Variants in FAM168A observed in about 807,000 individuals in gnomAD.
The protein encoded by FAM168A is family with sequence similarity 168 member A.
In FAM168A, 3 loss-of-function variants were observed where a neutral mutation model predicts 28.5. The ratio of observed to expected loss-of-function variants is 0.11; its 90% CI spans 0.05 to 0.27. The LOEUF is 0.27. Among genes scored for constraint, FAM168A ranks in the 10% least tolerant of loss-of-function variants. The pLI is 1.00. For synonymous variants in FAM168A, 122 were observed against 124.2 expected, an observed-to-expected ratio of 0.98 and a Z score of 0.12; for missense variants, 222 against 311.5, an observed-to-expected ratio of 0.71 and a Z score of 2.16.
chr11:73,556,298 A>G (rs1259247699), intron 1 of FAM168A, among the ~76,000 whole-genome samples: 1 of 152,010 alleles, frequency 6.6e-6, no homozygotes, highest in East Asian at 1.9e-4. Context: ...GCAATAAGCT[A>G]TGATCGTGCC....
chr11:73,429,361 G>GA (rs1487943924), intron 3 of FAM168A, among the ~76,000 whole-genome samples: 1 of 152,190 alleles, frequency 6.6e-6, no homozygotes, highest in Non-Finnish European at 1.5e-5. Context: ...CAAGAGAAAA[G>GA]GTTGAACTGG....
chr11:73,462,867 AAAGAG>A lies in FAM168A; in HGVS notation c.70+5533_70+5537del, dbSNP rs1407116946. ...TAGAGAGAGACTCCAAGTCAGAAGA[AAAGAG>A]AAGAGAAGAGAGGAGAGGAGAAGAG... On this transcript the variant is annotated intron_variant, in intron 2 of 7. Transcript: ENST00000356467. Among the ~76,000 whole-genome samples the A allele has an allele frequency of 5.3e-5, 8 of 151,750 alleles. No homozygotes were observed. The South Asian group carries it at 6.3e-4, about 12-fold the overall frequency.
intron 1 of FAM168A, among the ~76,000 whole-genome samples, chr11:73,469,834 C>T (rs533500570): frequency 5.3e-5 from 8 of 152,272 alleles, no homozygotes; most frequent in Non-Finnish European, 8.8e-5. Flanking sequence ...GTAACATACA[C>T]TCTCTCTCTA....
chr11:73,563,885 A>T (rs1391242737), intron 1 of FAM168A, among the ~76,000 whole-genome samples: 1 of 152,188 alleles, frequency 6.6e-6, no homozygotes, highest in African/African-American at 2.4e-5. Flanking sequence ...TTTAAGCAAA[A>T]AGCCTAATTA....
intron 1 of FAM168A, among the ~76,000 whole-genome samples, chr11:73,541,051 G>A (rs1282019503): frequency 2.6e-5 from 4 of 151,880 alleles, no homozygotes; most frequent in Non-Finnish European, 4.4e-5. Context: ...CTAAAAATAC[G>A]AAAATTAGCT....
chr11:73,486,844 A>G (rs1868059614), intron 1 of FAM168A, among the ~76,000 whole-genome samples: 1 of 152,224 alleles, frequency 6.6e-6, no homozygotes, highest in African/African-American at 2.4e-5. Flanking sequence ...AGCATAAGCT[A>G]CTCATCTGTT....
chr11:73,512,374 T>A (rs958330696), intron 1 of FAM168A, among the ~76,000 whole-genome samples: 1 of 152,000 alleles, frequency 6.6e-6, no homozygotes, highest in Non-Finnish European at 1.5e-5. Context: ...AGAGAAAGAA[T>A]GTAGATTATT....
intron 1 of FAM168A, chr11:73,580,372 CA>C (rs1944228779): frequency 2.8e-5 from 17 of 606,820 alleles, no homozygotes; most frequent in East Asian, 4.0e-5. Flanking sequence ...GAGCCCAGGC[CA>C]AAAAAGCCCC....
chr11:73,452,519 T>C (rs929347507), intron 2 of FAM168A, among the ~76,000 whole-genome samples: 1 of 152,182 alleles, frequency 6.6e-6, no homozygotes, highest in Non-Finnish European at 1.5e-5. Flanking sequence ...TCTTCTCTGA[T>C]GAAAAGGAGA....
intron 2 of FAM168A, among the ~76,000 whole-genome samples, chr11:73,440,806 T>C (rs531229477): frequency 4.6e-5 from 7 of 152,090 alleles, no homozygotes; most frequent in African/African-American, 7.2e-5. Flanking sequence ...GAAGATGCCA[T>C]AAACAAAGTT....
chr11:73,585,674 C>T (rs1282603571), intron 1 of FAM168A, among the ~76,000 whole-genome samples: 1 of 152,092 alleles, frequency 6.6e-6, no homozygotes, highest in Non-Finnish European at 1.5e-5. Context: ...TTGAGACCAG[C>T]TTGGACAACA....
chr11:73,515,473 A>G (rs1283696478), intron 1 of FAM168A, among the ~76,000 whole-genome samples: 3 of 150,060 alleles, frequency 2.0e-5, no homozygotes, highest in East Asian at 3.9e-4. Context: ...GTGCCATTGC[A>G]CTCTAGCTGC....
chr11:73,437,071 A>G (rs1238759465), intron 2 of FAM168A, among the ~76,000 whole-genome samples: 4 of 151,446 alleles, frequency 2.6e-5, no homozygotes, highest in African/African-American at 9.7e-5. Flanking sequence ...AGTGGCACAC[A>G]TGACTGGCAG....
intron 4 of FAM168A, among the ~76,000 whole-genome samples, chr11:73,414,146 G>C (rs1395634285): frequency 6.6e-6 from 1 of 152,164 alleles, no homozygotes; most frequent in East Asian, 1.9e-4. Context: ...TTTTACCACA[G>C]AATCTTTTAT....
intron 3 of FAM168A, among the ~76,000 whole-genome samples, chr11:73,427,836 G>A (rs1334934977): frequency 6.6e-6 from 1 of 152,146 alleles, no homozygotes; most frequent in African/African-American, 2.4e-5. Flanking sequence ...CAGTGCTGGG[G>A]ATGAGAGCCT....
At chr11:73,510,746 G>C (rs1590824229) in intron 1 of FAM168A, 1 of 377,222 alleles carries the variant, frequency 2.7e-6, no homozygotes, top group South Asian at 1.4e-4. Context: ...GGTATGGTCT[G>C]AGCTATGATA....
intron 1 of FAM168A, among the ~76,000 whole-genome samples, chr11:73,488,735 T>C (rs1020657135): frequency 3.9e-5 from 6 of 152,140 alleles, no homozygotes; most frequent in African/African-American, 1.2e-4. Flanking sequence ...CTACTTCAAG[T>C]CATTTCACCC....
intron 1 of FAM168A, among the ~76,000 whole-genome samples, chr11:73,561,468 T>C (rs2134706020): frequency 6.6e-6 from 1 of 152,084 alleles, no homozygotes; most frequent in East Asian, 1.9e-4. Flanking sequence ...GAGACATATA[T>C]ATATATATAT....
At chr11:73,458,002 T>A (rs1229454747) in intron 2 of FAM168A, among the ~76,000 whole-genome samples, 1 of 152,102 alleles carries the variant, frequency 6.6e-6, no homozygotes, top group African/African-American at 2.4e-5. Flanking sequence ...GGCACTCCAC[T>A]GACAGTAATT....
Sources: gnomAD v4.1 joint callset for allele counts (sites outside exome capture counted in the v4.1 genomes callset) on GRCh38, gnomAD v4.1.1 for gene constraint, MANE v1.5 for transcripts, NCBI Gene and HGNC (gene_info 2026-07-23, HGNC 2026-07-21) for gene names.